Variants in LMO2 observed in about 807,000 individuals in gnomAD.
LMO2 encodes the protein rhombotin-2.
LMO2 carries 20 observed loss-of-function variants against 23.2 expected under a neutral mutation model. The observed-to-expected ratio is 0.86, with a 90% CI of 0.61 to 1.25. The LOEUF (loss-of-function observed/expected upper bound fraction) is 1.25, where lower values mean the gene tolerates loss of function less well. Among genes scored for constraint, LMO2 ranks in the 50% most tolerant of loss-of-function variants. LMO2 has a pLI of 0.00. For synonymous variants in LMO2, 123 were observed against 130.2 expected (o/e 0.94, Z 0.38); for missense variants, 270 against 315.3 (o/e 0.86, Z 1.09).
At chr11:33,888,919 G>A (rs1857477584) in intron 1 of LMO2, among the ~76,000 whole-genome samples, 1 of 152,224 alleles carries the variant, frequency 6.6e-6, no homozygotes, top group South Asian at 2.1e-4. Flanking sequence ...AGGGAAAACT[G>A]AGGCTCAGGA....
chr11:33,885,963 C>A (rs1035767026), intron 1 of LMO2, among the ~76,000 whole-genome samples: 2 of 152,106 alleles, frequency 1.3e-5, no homozygotes, highest in Non-Finnish European at 1.5e-5. Flanking sequence ...GCAGCCTCTG[C>A]CTCCCAGGTT....
intron 4 of LMO2, 62 bp downstream of exon 4, chr11:33,869,284 G>C (rs1856909682): frequency 9.0e-7 from 1 of 1,113,960 alleles, no homozygotes. Flanking sequence ...GGGTCCCCCC[G>C]ACGCTCCGGG....
At chr11:33,887,373 A>G (rs1307274055) in intron 1 of LMO2, among the ~76,000 whole-genome samples, 1 of 152,126 alleles carries the variant, frequency 6.6e-6, no homozygotes, top group Non-Finnish European at 1.5e-5. Flanking sequence ...TTCCATCATG[A>G]GTGTGGTCAG....
chr11:33,873,957 A>G (rs1048722048), intron 2 of LMO2, among the ~76,000 whole-genome samples: 5 of 152,138 alleles, frequency 3.3e-5, no homozygotes, highest in Non-Finnish European at 5.9e-5. Flanking sequence ...AGATCCCAAC[A>G]TTATGATAAT....
intron 2 of LMO2, among the ~76,000 whole-genome samples, chr11:33,873,244 G>A (rs1233957755): frequency 2.0e-5 from 3 of 152,140 alleles, no homozygotes; most frequent in Non-Finnish European, 4.4e-5. Context: ...ACCTGAGTGT[G>A]TAAAGAAAAA....
At chr11:33,862,546 G>A (rs980515141) in intron 5 of LMO2, among the ~76,000 whole-genome samples, 3 of 152,194 alleles carry the variant, frequency 2.0e-5, no homozygotes, top group South Asian at 2.1e-4. Flanking sequence ...GCTAAATGTC[G>A]GAAAAGAACT....
chr11:33,869,229 G>C lies in LMO2; in HGVS notation c.248+117C>G, dbSNP rs980982829. 21 of 704,066 alleles carry C rather than the reference G, an allele frequency of 3.0e-5. No homozygotes were observed. The African/African-American group carries it at 4.0e-4, about 13-fold the overall frequency. The allele number at this position is 704,066 out of a possible 1,614,324, so 43.6% of individuals were successfully genotyped here. ...CCCAGCGCTCGGCACAGGGGGCCAA[G>C]GGCACGCCGCGAGCGCGCACCTGGA... On this transcript the variant is annotated intron_variant, in intron 4 of 5. Transcript: ENST00000257818.
rs954301917 is a variant in LMO2 at position 33,869,799 on chromosome 11, G to C, written c.-83C>G. The stretch of plus-strand genomic sequence containing the variant: ...CCGCCCGCGGGGATGGTGTGCGCCC[G>C]CCCGGCCGCCCGGAGCCCCTCGCAC... On this transcript the variant is annotated 5_prime_UTR_variant, in exon 3 of 6. Transcript: ENST00000257818. 2 of 1,117,388 alleles carry C rather than the reference G, an allele frequency of 1.8e-6. No individual in the cohort carries two copies. Among genetic ancestry groups the C allele is most frequent in the Non-Finnish European group, 1.1e-6 (1 of 916,478 alleles). The allele number at this position is 1,117,388 out of a possible 1,614,324, so 69.2% of individuals were successfully genotyped here.
At chr11:33,870,059 C>A in intron 2 of LMO2, 72 bp from the exon 3 acceptor site, 1 of 543,382 alleles carries the variant, frequency 1.8e-6, no homozygotes, top group Non-Finnish European at 2.4e-6. Context: ...CCCACCTCCC[C>A]TTTTTTCTTC....
chr11:33,886,092 C>T (rs11032436), intron 1 of LMO2, among the ~76,000 whole-genome samples: 2 of 152,116 alleles, frequency 1.3e-5, no homozygotes, highest in African/African-American at 2.4e-5. Flanking sequence ...TGGCCAGGCT[C>T]GTCTCAAACT....
chr11:33,889,220 C>G (rs1002433008), intron 1 of LMO2, among the ~76,000 whole-genome samples: 10 of 152,136 alleles, frequency 6.6e-5, no homozygotes, highest in African/African-American at 2.4e-4. Context: ...AGGCACTGTA[C>G]TGGGCACCAA....
At chr11:33,881,282 A>C in intron 2 of LMO2, 1 of 456,972 alleles carries the variant, frequency 2.2e-6, no homozygotes, top group South Asian at 1.5e-5. Context: ...TATCTCGCAA[A>C]GGAAGAGCTA....
intron 1 of LMO2, among the ~76,000 whole-genome samples, chr11:33,885,124 G>A (rs1355045388): frequency 6.6e-6 from 1 of 152,160 alleles, no homozygotes; most frequent in Non-Finnish European, 1.5e-5. Flanking sequence ...ATGTGAAGGG[G>A]GTTGTCAGAC....
chr11:33,870,336 A>C, intron 2 of LMO2: 1 of 980,034 alleles, frequency 1.0e-6, no homozygotes, highest in African/African-American at 1.7e-5. Flanking sequence ...ATGTGAAATA[A>C]GCACCTACAG....
At chr11:33,872,232 A>G (rs777346482) in intron 2 of LMO2, among the ~76,000 whole-genome samples, 8 of 152,226 alleles carry the variant, frequency 5.3e-5, no homozygotes, top group African/African-American at 1.4e-4. Flanking sequence ...CAGAGGTTGC[A>G]GTGAGCAGAG....
rs144795115 is a variant in LMO2, at chr11:33,859,450, T to C, written c.590A>G (p.His197Arg). The C allele has an allele frequency of 6.2e-7, 1 of 1,613,980 alleles. No individual in the cohort carries two copies. Among genetic ancestry groups the C allele is most frequent in the Non-Finnish European group, 8.5e-7 (1 of 1,180,000 alleles). Residue 197 changes from histidine (H) to arginine (R), a missense_variant, in exon 6 of 6, where the codon CAT becomes CGT. Transcript: ENST00000257818. Reference protein sequence around the residue: ...ECFKCAACQKHFCVGDRYLLI... With the variant: ...ECFKCAACQKRFCVGDRYLLI... ...GAGGTATCTGTCACCTACACAGAAA[T>C]GCTTCTGACAGGCGGCGCATTTGAA...
In LMO2 at chr11:33,870,442, T is replaced by TCTGCGGG. The variant is rs1370135344; in HGVS notation, c.-271-462_-271-456dup. The TCTGCGGG allele has an allele frequency of 1.9e-5, 19 of 986,072 alleles. No individual in the cohort carries two copies. In the East Asian group the frequency reaches 9.0e-4, roughly 47 times the overall value. The allele number at this position is 986,072 out of a possible 1,614,324, so 61.1% of individuals were successfully genotyped here. A position where few individuals can be genotyped will look rare whatever the true frequency, so the allele number is the denominator to read the frequency against. On this transcript the variant is annotated intron_variant, in intron 2 of 5. Coordinates refer to ENST00000257818, the MANE Select transcript of LMO2 (RefSeq NM_005574.4). ...ACTGGGATGCCCCGGACAGCGCGGCTCTGCGGGCTGCGGGCTACGGGCTGC... is the reference window on the plus strand; with the variant it reads ...ACTGGGATGCCCCGGACAGCGCGGCTCTGCGGGCTGCGGGCTGCGGGCTACGGGCTGC...
chr11:33,886,751 T>C (rs1433358574), intron 1 of LMO2, among the ~76,000 whole-genome samples: 1 of 152,142 alleles, frequency 6.6e-6, no homozygotes, highest in Admixed American at 6.5e-5. Flanking sequence ...AACACGAATG[T>C]TGGGGGGCTC....
At chr11:33,879,678 T>G (rs997219057) in intron 2 of LMO2, among the ~76,000 whole-genome samples, 17 of 152,092 alleles carry the variant, frequency 1.1e-4, no homozygotes, top group African/African-American at 4.1e-4. Context: ...ACAATCCAGT[T>G]TCAAAATGGG....
Sources: allele counts gnomAD v4.1 joint callset (sites outside exome capture counted in the v4.1 genomes callset), GRCh38; gene constraint gnomAD v4.1.1; transcripts MANE v1.5; gene names NCBI Gene and HGNC (gene_info 2026-07-23, HGNC 2026-07-21).